MMD2: variants seen among roughly 807,000 people sequenced by gnomAD.
The protein encoded by MMD2 is monocyte to macrophage differentiation associated 2.
In MMD2, 30 loss-of-function variants were observed where a neutral mutation model predicts 33.5. The observed-to-expected ratio is 0.90, with a 90% CI of 0.67 to 1.22. The LOEUF (loss-of-function observed/expected upper bound fraction) is 1.22, where lower values mean the gene tolerates loss of function less well. Ranked by LOEUF, MMD2 falls within the 50% of genes most tolerant of loss-of-function variation. The probability of loss-of-function intolerance (pLI) is 0.00; values close to 1 mark genes in which losing one functional copy is unlikely to be tolerated. For synonymous variants in MMD2, 129 were observed against 123.0 expected (o/e 1.05, Z -0.32); for missense variants, 364 against 325.4 (o/e 1.12, Z -0.91).
chr7:4,926,586 C>G (rs572190607), intron 1 of MMD2, among the ~76,000 whole-genome samples: 8 of 152,082 alleles, frequency 5.3e-5, no homozygotes, highest in Non-Finnish European at 8.8e-5. Context: ...GGAAACCACC[C>G]TCTGCCGTTG....
At chr7:4,899,066 T>G in the MMD2 span, among the ~76,000 whole-genome samples, 1 of 152,036 alleles carries the variant, frequency 6.6e-6, no homozygotes, top group Non-Finnish European at 1.5e-5. Flanking sequence ...ATGGGATTAG[T>G]ACCCTTACAC....
chr7:4,922,636 A>G (rs1785317241), intron 2 of MMD2, among the ~76,000 whole-genome samples: 1 of 152,052 alleles, frequency 6.6e-6, no homozygotes, highest in Non-Finnish European at 1.5e-5. Flanking sequence ...GTGCAGTGGT[A>G]CAATCATAGC....
the MMD2 span, among the ~76,000 whole-genome samples, chr7:4,894,533 A>G: frequency 6.6e-6 from 1 of 152,178 alleles, no homozygotes; most frequent in South Asian, 2.1e-4. This position sits in a 1 kb window ranked among gnomAD's most constrained non-coding sequence, Gnocchi z 4.3. Flanking sequence ...TTCCAGTCCA[A>G]TATTCCCCCA....
At position 4,909,933 on chromosome 7, in the gene MMD2, A is replaced by C; in HGVS notation, c.485T>G (p.Leu162Arg). 1.2e-6 allele frequency: 2 copies of C among 1,613,942 alleles called. No homozygotes were observed. Among genetic ancestry groups the C allele is most frequent in the Non-Finnish European group, 8.5e-7 (1 of 1,179,904 alleles). ...FFHERYKLVE[L>R]LCYVVMGFFP... ...GAAGCCCATTACGACGTAGCAGAGA[A>C]GCTCCACAAGCTTGTACCTGGCAGG... The change falls in exon 6 of 7, where the codon CTT (leucine) becomes CGT (arginine). Residue 162 changes from leucine to arginine, a missense_variant. Leu to Arg is a moderately radical substitution (Grantham distance 102, BLOSUM62 -2). Transcript: ENST00000401401.
At position 4,908,128 on chromosome 7, in the gene MMD2, ACTTAT is replaced by A. The variant is rs1324706082; in HGVS notation, c.538-534_538-530del. 6.0e-5 allele frequency among the ~76,000 whole-genome samples: 9 copies of A among 148,814 alleles called. No individual in the cohort carries two copies. The East Asian group carries it at 1.6e-3, about 26-fold the overall frequency. ...CTCGGCCTCAAATAATATTTTTATAACTTATCTTATCTGGTTTTGTTTTTTTTTTT... is the reference window on the plus strand; with the variant it reads ...CTCGGCCTCAAATAATATTTTTATAACTTATCTGGTTTTGTTTTTTTTTTT... On this transcript the variant is annotated intron_variant, in intron 6 of 6. Transcript: ENST00000401401.
chr7:4,949,214 AATT>A (rs1053175718), intron 1 of MMD2, among the ~76,000 whole-genome samples: 1 of 152,012 alleles, frequency 6.6e-6, no homozygotes, highest in African/African-American at 2.4e-5. Flanking sequence ...TGTCTCAAAA[AATT>A]ATTATTATTA....
chr7:4,913,602 C>T (rs1228996099), intron 4 of MMD2, among the ~76,000 whole-genome samples: 1 of 151,688 alleles, frequency 6.6e-6, no homozygotes, highest in African/African-American at 2.4e-5. Flanking sequence ...CCTATAATTC[C>T]AGCTATTTGG....
chr7:4,909,736 A>T, intron 6 of MMD2, 145 bp downstream of exon 6: 1 of 1,082,778 alleles, frequency 9.2e-7, no homozygotes, highest in Non-Finnish European at 1.4e-6. Context: ...TACCTGGCCT[A>T]CTGCCTCTTT....
the MMD2 span, among the ~76,000 whole-genome samples, chr7:4,894,610 T>C: frequency 6.6e-6 from 1 of 151,928 alleles, no homozygotes; most frequent in African/African-American, 2.4e-5. This position sits in a 1 kb window ranked among gnomAD's most constrained non-coding sequence, Gnocchi z 4.3. Context: ...TGACCTTGAC[T>C]CCCTTCGTGG....
chr7:4,914,885 C>T (rs1472958337), intron 4 of MMD2, among the ~76,000 whole-genome samples: 1 of 152,098 alleles, frequency 6.6e-6, no homozygotes, highest in African/African-American at 2.4e-5. Context: ...GAGCCGAGAT[C>T]ATGCCACTGC....
chr7:4,894,041 G>A, the MMD2 span, among the ~76,000 whole-genome samples: 1 of 152,088 alleles, frequency 6.6e-6, no homozygotes, highest in African/African-American at 2.4e-5. This position sits in a 1 kb window ranked among gnomAD's most constrained non-coding sequence, Gnocchi z 4.3. Flanking sequence ...GACTTAGAAT[G>A]CCTTAACCTC....
intron 1 of MMD2, among the ~76,000 whole-genome samples, chr7:4,948,912 G>C (rs1786163942): frequency 6.6e-6 from 1 of 152,110 alleles, no homozygotes. Context: ...CCCAAGCTCA[G>C]GTGATCCTCC....
In MMD2 at chr7:4,907,316, T is replaced by G. The variant is rs1268813593; in HGVS notation, c.*80A>C. The stretch of plus-strand genomic sequence containing the variant: ...TACCCAATAAAGGGAAGACAGGCCT[T>G]GGCGCTGTGCTCTGGGTTAACGTTC... On this transcript the variant is annotated 3_prime_UTR_variant, in exon 7 of 7. Transcript: ENST00000401401. The G allele has an allele frequency of 7.1e-7, 1 of 1,406,704 alleles. No homozygotes were observed. Among genetic ancestry groups the G allele is most frequent in the Non-Finnish European group, 1.0e-6 (1 of 998,544 alleles). 87.1% of individuals were successfully genotyped at this position (1,406,704 alleles called of 1,614,324 possible).
At chr7:4,937,969 C>CTTTTTTTTTTT (rs1785788911) in intron 1 of MMD2, among the ~76,000 whole-genome samples, 3 of 97,162 alleles carry the variant, frequency 3.1e-5, no homozygotes, top group East Asian at 3.2e-4. Flanking sequence ...AATTTAATTT[C>CTTTTTTTTTTT]TTTTTCTTTT....
At chr7:4,915,867 GA>G (rs138511042) in intron 4 of MMD2, 137 bp downstream of exon 4, 20 of 772,390 alleles carry the variant, frequency 2.6e-5, no homozygotes, top group South Asian at 5.5e-5. Flanking sequence ...TTCCAGGAAG[GA>G]AAAAAGGGTG....
intron 1 of MMD2, among the ~76,000 whole-genome samples, chr7:4,956,045 T>C (rs1245698346): frequency 6.6e-6 from 1 of 150,756 alleles, no homozygotes; most frequent in Non-Finnish European, 1.5e-5. Flanking sequence ...AGAGTGAGAC[T>C]CCAACTCAAA....
Position 4,911,340 on chromosome 7 carries a change from G to A in MMD2, c.366-94C>T, listed in dbSNP as rs958884968. The A allele has an allele frequency of 1.1e-5, 11 of 995,318 alleles. No homozygotes were observed. The African/African-American group carries it at 1.8e-4, about 16-fold the overall frequency. The allele number at this position is 995,318 out of a possible 1,614,324, so 61.7% of individuals were successfully genotyped here. On this transcript the variant is annotated intron_variant, in intron 4 of 6. Transcript: ENST00000401401. ...GCCTGTCACAGGAAATGGACCCCAG[G>A]GAAGTCCTGTCACCTGTGACTCCAC...
intron 1 of MMD2, 89 bp from the exon 2 acceptor site, chr7:4,925,621 T>C: frequency 1.4e-5 from 13 of 944,550 alleles, no homozygotes; most frequent in Non-Finnish European, 1.9e-5. Context: ...TACTTCCTAC[T>C]GGTAGGAAAA....
intron 1 of MMD2, among the ~76,000 whole-genome samples, chr7:4,943,517 T>C (rs1053453710): frequency 6.6e-6 from 1 of 152,144 alleles, no homozygotes; most frequent in Non-Finnish European, 1.5e-5. Context: ...TCTACCCTGA[T>C]GTCCCCTAGC....
Sources: allele counts gnomAD v4.1 joint callset (sites outside exome capture counted in the v4.1 genomes callset), GRCh38; gene constraint gnomAD v4.1.1; non-coding constraint Gnocchi (gnomAD v3.1); transcripts MANE v1.5; gene names NCBI Gene and HGNC (gene_info 2026-07-23, HGNC 2026-07-21).